The following NUB1 variants were observed in gnomAD, a reference collection of about 807,000 sequenced individuals.
NUB1 encodes negative regulator of ubiquitin like proteins 1.
In NUB1, 41 loss-of-function variants were observed where a neutral mutation model predicts 77.1. The ratio of observed to expected loss-of-function variants is 0.53; its 90% CI spans 0.41 to 0.69. The LOEUF is 0.69. Ranked by LOEUF, NUB1 falls within the 30% of genes least tolerant of loss-of-function variation. The pLI is 0.00. For missense variants in NUB1, 643 were observed against 743.8 expected (o/e 0.86, Z 1.58); for synonymous variants, 257 against 281.0 (o/e 0.91, Z 0.85).
chr7:151,374,054 C>A (rs1798086852), intron 11 of NUB1, 43 bp from the exon 12 acceptor site: 2 of 1,524,622 alleles, frequency 1.3e-6, no homozygotes, highest in Admixed American at 2.1e-5. Context: ...GCTGTGAAAT[C>A]TCAGTCCCTA....
In NUB1 at chr7:151,377,270, C is replaced by A; in HGVS notation, c.*45C>A. ...CTAATTTTCTGCTTATAAATGCTAT[C>A]ATTATGAAAAGGCTAATGCAGCTCT... On this transcript the variant is annotated 3_prime_UTR_variant, in exon 15 of 15. Transcript: ENST00000568733. 7.6e-7 allele frequency: 1 copy of A among 1,308,948 alleles called. No homozygotes were observed. The allele number at this position is 1,308,948 out of a possible 1,614,324, so 81.1% of individuals were successfully genotyped here. A position where few individuals can be genotyped will look rare whatever the true frequency, so the allele number is the denominator to read the frequency against.
intron 1 of NUB1, among the ~76,000 whole-genome samples, chr7:151,344,957 A>G (rs1029409316): frequency 1.0e-3 from 159 of 152,202 alleles, no homozygotes; most frequent in Non-Finnish European, 5.0e-4. Context: ...CCGAGATCGC[A>G]CCACTGCACT....
intron 4 of NUB1, among the ~76,000 whole-genome samples, chr7:151,351,824 A>T (rs2150671728): frequency 6.6e-6 from 1 of 151,990 alleles, no homozygotes; most frequent in Middle Eastern, 3.4e-3. Context: ...ATTAGTTTTG[A>T]ATTACTATTT....
chr7:151,371,757 TG>T (rs1797968293), intron 11 of NUB1, among the ~76,000 whole-genome samples: 1 of 152,272 alleles, frequency 6.6e-6, no homozygotes, highest in African/African-American at 2.4e-5. Context: ...TTCATGTTTT[TG>T]TTTGAGACAG....
intron 11 of NUB1, among the ~76,000 whole-genome samples, chr7:151,370,491 C>T (rs1797904389): frequency 6.6e-6 from 1 of 152,144 alleles, no homozygotes; most frequent in Non-Finnish European, 1.5e-5. Flanking sequence ...TATTACTCCA[C>T]TACCAGTAAG....
intron 5 of NUB1, among the ~76,000 whole-genome samples, chr7:151,354,226 T>C (rs1266185056): frequency 6.6e-6 from 1 of 152,090 alleles, no homozygotes; most frequent in Admixed American, 6.6e-5. Context: ...GGGGGCCCTG[T>C]TCCTATATTT....
chr7:151,367,796 T>G, intron 9 of NUB1, 65 bp from the exon 10 acceptor site: 12 of 993,574 alleles, frequency 1.2e-5, no homozygotes, highest in Non-Finnish European at 1.7e-5. Flanking sequence ...ATGACAGAGA[T>G]GAGTATTATA....
intron 12 of NUB1, among the ~76,000 whole-genome samples, chr7:151,375,311 G>C (rs1026125156): frequency 6.6e-6 from 1 of 152,140 alleles, no homozygotes; most frequent in Admixed American, 6.5e-5. Context: ...TATTCGAAGG[G>C]ACTGATGGGT....
At chr7:151,352,951 C>A in intron 5 of NUB1, 69 bp downstream of exon 5, 1 of 829,398 alleles carries the variant, frequency 1.2e-6, no homozygotes, top group Non-Finnish European at 1.9e-6. Flanking sequence ...CCCTTTTTTT[C>A]TCAATGTCTT....
chr7:151,358,164 G>C (rs112079550), intron 7 of NUB1, among the ~76,000 whole-genome samples: 1 of 151,670 alleles, frequency 6.6e-6, no homozygotes, highest in Non-Finnish European at 1.5e-5. Context: ...TAGTAGAGAC[G>C]GGGTTTCACC....
At chr7:151,345,660 T>C (rs917708591) in intron 2 of NUB1, among the ~76,000 whole-genome samples, 194 bp downstream of exon 2, 19 of 152,220 alleles carry the variant, frequency 1.2e-4, no homozygotes, top group African/African-American at 4.3e-4. Context: ...ATGAGGATGT[T>C]ATCTAATTTT....
chr7:151,341,846 G>C lies in NUB1; in HGVS notation c.-3G>C, dbSNP rs1796217322. ...GTCGCGGCGGGAGTGGCGTGGCGCA[G>C]GTGAGGACACGGCGGCCGAGTGTCC... On this transcript the variant is annotated splice_region_variant and 5_prime_UTR_variant, in exon 1 of 15. Coordinates refer to ENST00000568733, the MANE Select transcript of NUB1 (RefSeq NM_001243351.2). 1 of 1,503,014 alleles carries C rather than the reference G, an allele frequency of 6.7e-7. No homozygotes were observed. Among genetic ancestry groups the C allele is most frequent in the Non-Finnish European group, 8.8e-7 (1 of 1,135,366 alleles). 93.1% of individuals were successfully genotyped at this position (1,503,014 alleles called of 1,614,324 possible). A position where few individuals can be genotyped will look rare whatever the true frequency, so the allele number is the denominator to read the frequency against.
intron 4 of NUB1, chr7:151,351,981 T>G (rs1231250184): frequency 2.5e-6 from 1 of 400,242 alleles, no homozygotes; most frequent in Non-Finnish European, 5.1e-6. Flanking sequence ...ATCTGGTGGG[T>G]TATTTCATCT....
intron 1 of NUB1, among the ~76,000 whole-genome samples, chr7:151,344,180 CAAAAAA>C (rs561127147): frequency 3.5e-3 from 158 of 45,528 alleles, no homozygotes; most frequent in Admixed American, 0.024. Flanking sequence ...GACTCCCTCT[CAAAAAA>C]AAAAAAAAAA....
At position 151,377,790 on chromosome 7, in the gene NUB1, G is replaced by C. The variant is rs765882810; in HGVS notation, c.*565G>C. 6.6e-6 allele frequency: 1 copy of C among 152,272 alleles called. No individual in the cohort carries two copies. Among genetic ancestry groups the C allele is most frequent in the Non-Finnish European group, 1.5e-5 (1 of 68,076 alleles). 9.4% of individuals were successfully genotyped at this position (152,272 alleles called of 1,614,324 possible). A position where few individuals can be genotyped will look rare whatever the true frequency, so the allele number is the denominator to read the frequency against. On this transcript the variant is annotated 3_prime_UTR_variant, in exon 15 of 15. Coordinates refer to ENST00000568733, the MANE Select transcript of NUB1 (RefSeq NM_001243351.2). ...GCGCTGGCCTTGGGGGCCACACCAG[G>C]TCGCAGCAAATGGCTTCAGCCTGGG...
chr7:151,360,071 A>G (rs1321212687), intron 7 of NUB1, 70 bp from the exon 8 acceptor site: 15 of 689,534 alleles, frequency 2.2e-5, no homozygotes, highest in South Asian at 4.2e-5. Context: ...TTAAAAAGTA[A>G]TATGCTTTTA....
At position 151,377,519 on chromosome 7, in the gene NUB1, T is replaced by C. The variant is rs2150730816; in HGVS notation, c.*294T>C. 4.9e-6 allele frequency: 1 copy of C among 205,392 alleles called. No homozygotes were observed. The allele number at this position is 205,392 out of a possible 1,614,324, so 12.7% of individuals were successfully genotyped here. A position where few individuals can be genotyped will look rare whatever the true frequency, so the allele number is the denominator to read the frequency against. On this transcript the variant is annotated 3_prime_UTR_variant, in exon 15 of 15. Transcript: ENST00000568733. The stretch of plus-strand genomic sequence containing the variant: ...GAAACAGGAAGGAACAGGGGTCCTG[T>C]AGAACAGGGGTCCTGGGGAAGGTGT...
Position 151,374,115 on chromosome 7 carries a change from A to C in NUB1, c.1267A>C (p.Lys423Gln). The C allele has an allele frequency of 6.4e-7, 1 of 1,562,790 alleles. No homozygotes were observed. The highest frequency in any genetic ancestry group is 8.7e-7 in the Non-Finnish European group (1 of 1,154,034). The change falls in exon 12 of 15, where the codon AAG (lysine) becomes CAG (glutamine). Residue 423 changes from lysine (K) to glutamine (Q), a missense_variant. Physicochemically the swap from Lys to Gln is moderately conservative, Grantham distance 53. Transcript: ENST00000568733. ...CCTAAAGGAACTGGCCCAAATAAGGAAGGAGGAAAAAGAGAAGAAAAGACG... is the reference window on the plus strand; with the variant it reads ...CCTAAAGGAACTGGCCCAAATAAGGCAGGAGGAAAAAGAGAAGAAAAGACG... ...NRREELAQIR[K>Q]EEKEKKRRRL...
At chr7:151,372,819 G>GA (rs1230852643) in intron 11 of NUB1, among the ~76,000 whole-genome samples, 1 of 152,184 alleles carries the variant, frequency 6.6e-6, no homozygotes, top group Non-Finnish European at 1.5e-5. Flanking sequence ...TGGCCACTGA[G>GA]AGGTAGAGCA....
Sources: allele counts gnomAD v4.1 joint callset (sites outside exome capture counted in the v4.1 genomes callset), GRCh38; gene constraint gnomAD v4.1.1; transcripts MANE v1.5; gene names NCBI Gene and HGNC (gene_info 2026-07-23, HGNC 2026-07-21).